Variants in SULT6B1 observed in about 807,000 individuals in gnomAD.
The protein encoded by SULT6B1 is sulfotransferase family 6B member 1, also known as sulfotransferase 6B1.
In SULT6B1, 44 loss-of-function variants were observed where a neutral mutation model predicts 37.2. The observed-to-expected ratio is 1.18, with a 90% CI of 0.93 to 1.52. The LOEUF (loss-of-function observed/expected upper bound fraction) is 1.52. Ranked by LOEUF, SULT6B1 falls within the 40% of genes most tolerant of loss-of-function variation. The pLI is 0.00. For missense variants in SULT6B1, 450 were observed against 361.0 expected, an observed-to-expected ratio of 1.25 and a Z score of -2.00; for synonymous variants, 140 against 126.0, an observed-to-expected ratio of 1.11 and a Z score of -0.74.
chr2:37,172,246 C>T (rs1426356897), intron 5 of SULT6B1, among the ~76,000 whole-genome samples: 7 of 151,792 alleles, frequency 4.6e-5, no homozygotes, highest in Admixed American at 1.3e-4. Context: ...GACAGGGTTT[C>T]GCCATGTTGC....
intron 6 of SULT6B1, among the ~76,000 whole-genome samples, chr2:37,168,683 A>T (rs1220623598): frequency 6.6e-6 from 1 of 152,256 alleles, no homozygotes; most frequent in Non-Finnish European, 1.5e-5. Context: ...TAAAGACTTT[A>T]AATACCCTTT....
At chr2:37,194,897 TTTCCTTCCTTCCTTCCTTCC>T (rs376397934) in intron 1 of SULT6B1, among the ~76,000 whole-genome samples, 4,001 of 68,410 alleles carry the variant, frequency 0.058, 319 homozygotes, top group Admixed American at 0.17. Context: ...TCCTTCCTTC[TTTCCTTCCTTCCTTCCTTCC>T]TTCCTTCCTT....
intron 4 of SULT6B1, among the ~76,000 whole-genome samples, chr2:37,177,462 A>G (rs1676457273): frequency 6.6e-6 from 1 of 150,774 alleles, no homozygotes; most frequent in Non-Finnish European, 1.5e-5. Flanking sequence ...AGAAGAATAC[A>G]GCATGTTTTC....
intron 2 of SULT6B1, among the ~76,000 whole-genome samples, chr2:37,185,702 A>G (rs1353061525): frequency 7.9e-6 from 1 of 126,396 alleles, no homozygotes; most frequent in Non-Finnish European, 1.6e-5. Context: ...TGGGTGACAG[A>G]GTGAGACTCC....
At chr2:37,179,990 C>A (rs1201903998) in intron 3 of SULT6B1, among the ~76,000 whole-genome samples, 1 of 152,168 alleles carries the variant, frequency 6.6e-6, no homozygotes, top group Non-Finnish European at 1.5e-5. Context: ...TAAAGAATGG[C>A]AAAGCCCACT....
rs1676600275 is a variant in SULT6B1 at position 37,183,491 on chromosome 2, T to G, written c.336A>C (p.Pro112=). 6.2e-7 allele frequency: 1 copy of G among 1,614,018 alleles called. No individual in the cohort carries two copies. The highest frequency in any genetic ancestry group is 8.5e-7 in the Non-Finnish European group (1 of 1,179,978). ...KYQRMKGFPS[P]RILATHLHYD... is the part of the protein sequence containing the mutation. ...AGTGGAGGTGAGTTGCCAAAATCCT[T>G]GGTGATGGAAAGCCTTTCATTCTCT... Residue 112 remains proline, a synonymous_variant, in exon 3 of 7, where the codon CCA becomes CCC. Coordinates refer to ENST00000535679, the MANE Select transcript of SULT6B1 (RefSeq NM_001367551.1).
chr2:37,182,741 A>C (rs1676583890), intron 3 of SULT6B1, among the ~76,000 whole-genome samples: 1 of 152,212 alleles, frequency 6.6e-6, no homozygotes, highest in South Asian at 2.1e-4. Flanking sequence ...GGAAACAGAA[A>C]GGGTTGGGTA....
upstream of SULT6B1, among the ~76,000 whole-genome samples, chr2:37,190,209 G>A (rs1343735157): frequency 6.6e-6 from 1 of 152,184 alleles, no homozygotes; most frequent in East Asian, 1.9e-4. Flanking sequence ...CTCTTGATAA[G>A]TCAAATATCT....
At chr2:37,190,675 A>T (rs1475544750), upstream of SULT6B1, among the ~76,000 whole-genome samples, 1 of 152,206 alleles carries the variant, frequency 6.6e-6, no homozygotes, top group Non-Finnish European at 1.5e-5. Context: ...CTAGTGTTCT[A>T]AAGTACCACC....
At chr2:37,183,561 T>G (rs559039165) in intron 2 of SULT6B1, 47 bp from the exon 3 acceptor site, 1 of 1,389,442 alleles carries the variant, frequency 7.2e-7, no homozygotes, top group East Asian at 2.3e-5. Context: ...TGTGTGCATG[T>G]GTGTGTGTGT....
Position 37,179,453 on chromosome 2 carries a change from C to T in SULT6B1, c.529+5G>A, listed in dbSNP as rs1558447941. ...TAAGAATAATTCTTTTACCAACAGC[C>T]ATACCTTGTCCTTTCATGAACTGTC... On this transcript the variant is annotated splice_donor_5th_base_variant and intron_variant, in intron 4 of 6. Coordinates refer to ENST00000535679, the MANE Select transcript of SULT6B1 (RefSeq NM_001367551.1). 1.2e-6 allele frequency: 2 copies of T among 1,613,226 alleles called. No individual in the cohort carries two copies. Among genetic ancestry groups the T allele is most frequent in the Non-Finnish European group, 1.7e-6 (2 of 1,179,900 alleles).
Position 37,183,583 on chromosome 2 carries a change from C to A in SULT6B1, c.313-69G>T, listed in dbSNP as rs1186944869. 1.3e-5 allele frequency: 16 copies of A among 1,197,376 alleles called. No homozygotes were observed. In the Admixed American group the frequency reaches 2.6e-4, roughly 20 times the overall value. 74.2% of individuals were successfully genotyped at this position (1,197,376 alleles called of 1,614,324 possible). A position where few individuals can be genotyped will look rare whatever the true frequency, so the allele number is the denominator to read the frequency against. On this transcript the variant is annotated intron_variant, in intron 2 of 6. Coordinates refer to ENST00000535679, the MANE Select transcript of SULT6B1 (RefSeq NM_001367551.1). ...ATGTGTGTGTGTGTGTTGAATCACT[C>A]CTAGGTTTGGTATCTAAGTGATAGT...
At chr2:37,184,939 C>T (rs1236206802) in intron 2 of SULT6B1, among the ~76,000 whole-genome samples, 1 of 152,116 alleles carries the variant, frequency 6.6e-6, no homozygotes, top group Non-Finnish European at 1.5e-5. Context: ...TGGATCCAAG[C>T]GGTGACTAGC....
At chr2:37,180,418 C>G (rs1676525866) in intron 3 of SULT6B1, among the ~76,000 whole-genome samples, 1 of 152,156 alleles carries the variant, frequency 6.6e-6, no homozygotes, top group South Asian at 2.1e-4. Flanking sequence ...TTTGGGGCCA[C>G]ATAAAAGAGG....
At chr2:37,181,078 G>C (rs1676539815) in intron 3 of SULT6B1, among the ~76,000 whole-genome samples, 1 of 152,104 alleles carries the variant, frequency 6.6e-6, no homozygotes, top group Non-Finnish European at 1.5e-5. Context: ...GAGGGAATCA[G>C]GATCTCAAAA....
chr2:37,186,639 C>G (rs1421726248), intron 2 of SULT6B1, among the ~76,000 whole-genome samples: 1 of 152,080 alleles, frequency 6.6e-6, no homozygotes, highest in Non-Finnish European at 1.5e-5. Flanking sequence ...TGCCCATAAT[C>G]TCAGCACTTT....
intron 6 of SULT6B1, among the ~76,000 whole-genome samples, chr2:37,168,959 A>G (rs995456961): frequency 1.3e-5 from 2 of 152,368 alleles, no homozygotes; most frequent in East Asian, 3.9e-4. Context: ...AGAAAACACA[A>G]AACTGTTTAC....
At chr2:37,180,296 C>A (rs1023626118) in intron 3 of SULT6B1, among the ~76,000 whole-genome samples, 29 of 152,198 alleles carry the variant, frequency 1.9e-4, no homozygotes, top group African/African-American at 1.2e-4. Flanking sequence ...ACAACTAGAA[C>A]AGGCAGAAGT....
chr2:37,172,467 A>G (rs1182052588), intron 5 of SULT6B1, among the ~76,000 whole-genome samples: 1 of 152,136 alleles, frequency 6.6e-6, no homozygotes, highest in African/African-American at 2.4e-5. Context: ...GTTCTTTCAT[A>G]TTATATACAT....
Sources: gnomAD v4.1 joint callset for allele counts (sites outside exome capture counted in the v4.1 genomes callset) on GRCh38, gnomAD v4.1.1 for gene constraint, MANE v1.5 for transcripts, NCBI Gene and HGNC (gene_info 2026-07-23, HGNC 2026-07-21) for gene names.